PALM2AKAP2: variants seen among roughly 807,000 people sequenced by gnomAD.
The protein encoded by PALM2AKAP2 is PALM2 and AKAP2 fusion.
A neutral mutation model predicts 71.5 loss-of-function variants in PALM2AKAP2; 37 were observed. The observed-to-expected ratio is 0.52, with a 90% CI of 0.40 to 0.68. The LOEUF is 0.68. Among genes scored for constraint, PALM2AKAP2 ranks in the 30% least tolerant of loss-of-function variants. PALM2AKAP2 has a pLI of 0.00. For missense variants in PALM2AKAP2, 1,224 were observed against 1,191.8 expected (o/e 1.03, Z -0.40); for synonymous variants, 468 against 478.8 (o/e 0.98, Z 0.29).
At chr9:109,789,666 G>A (rs1017129234) in intron 1 of PALM2AKAP2, among the ~76,000 whole-genome samples, 26 of 152,140 alleles carry the variant, frequency 1.7e-4, no homozygotes, top group African/African-American at 5.8e-4. Flanking sequence ...TAGGGGATGG[G>A]CCACACAGCA....
At chr9:110,164,557 G>A (rs1341456792) in intron 3 of PALM2AKAP2, among the ~76,000 whole-genome samples, 2 of 131,344 alleles carry the variant, frequency 1.5e-5, no homozygotes, top group South Asian at 2.3e-4. Context: ...TTGAGACACC[G>A]TCTCACTCTG....
At chr9:109,778,505 T>C (rs1829379986), upstream of PALM2AKAP2, among the ~76,000 whole-genome samples, 1 of 152,218 alleles carries the variant, frequency 6.6e-6, no homozygotes. Context: ...AGCCAGAAAG[T>C]AGAAGTTTCT....
At chr9:110,075,731 CA>C (rs202097116) in intron 1 of PALM2AKAP2, among the ~76,000 whole-genome samples, 2,465 of 151,956 alleles carry the variant, frequency 0.016, 42 homozygotes, top group Non-Finnish European at 0.024. Flanking sequence ...AGCAAAATTT[CA>C]GATATTTTAC....
intron 3 of PALM2AKAP2, among the ~76,000 whole-genome samples, chr9:109,904,122 T>C (rs1156990733): frequency 2.0e-5 from 3 of 152,252 alleles, no homozygotes; most frequent in African/African-American, 7.2e-5. Context: ...AACATTTGAA[T>C]AGTACTTGCT....
At chr9:110,095,028 C>T (rs902206259) in intron 1 of PALM2AKAP2, among the ~76,000 whole-genome samples, 1 of 152,204 alleles carries the variant, frequency 6.6e-6, no homozygotes, top group Non-Finnish European at 1.5e-5. Flanking sequence ...ACATTTTCCC[C>T]CTACCGTATG....
chr9:110,030,502 G>C (rs574543444), intron 7 of PALM2AKAP2, among the ~76,000 whole-genome samples: 4 of 152,252 alleles, frequency 2.6e-5, no homozygotes, highest in African/African-American at 9.6e-5. Context: ...AGGAGTGAGG[G>C]GAGGTCAGAG....
rs150471752 is a variant in PALM2AKAP2, at chr9:110,115,505, C to T, written c.157-20622C>T. On this transcript the variant is annotated intron_variant, in intron 1 of 3. Coordinates refer to ENST00000374525, the Ensembl canonical transcript of PALM2AKAP2. ...CTATTTCTCATCAGGCCAGTGTCCCCAGTGCCTGTCCTGATCCAGAATTAC... is the reference window on the plus strand; with the variant it reads ...CTATTTCTCATCAGGCCAGTGTCCCTAGTGCCTGTCCTGATCCAGAATTAC... Among the ~76,000 whole-genome samples the T allele has an allele frequency of 8.8e-3, 1,343 of 152,292 alleles. 21 individuals carry two copies. The highest frequency in any genetic ancestry group is 0.031 in the African/African-American group (1,293 of 41,556).
At chr9:110,132,427 C>G (rs1835755750) in intron 1 of PALM2AKAP2, among the ~76,000 whole-genome samples, 1 of 151,892 alleles carries the variant, frequency 6.6e-6, no homozygotes. Flanking sequence ...CCAACTTCTG[C>G]TCTCCGGGTT....
chr9:110,150,614 A>G (rs1158060109), intron 2 of PALM2AKAP2, among the ~76,000 whole-genome samples: 1 of 152,212 alleles, frequency 6.6e-6, no homozygotes, highest in Non-Finnish European at 1.5e-5. Context: ...TTACCTCTAA[A>G]GCAACGTATT....
intron 2 of PALM2AKAP2, among the ~76,000 whole-genome samples, chr9:110,148,262 A>T (rs577766678): frequency 2.6e-5 from 4 of 152,222 alleles, no homozygotes; most frequent in African/African-American, 7.2e-5. Context: ...AGTTTTCATC[A>T]TCTTCCAGTT....
intron 6 of PALM2AKAP2, 126 bp downstream of exon 6, chr9:109,932,154 A>T: frequency 1.9e-6 from 2 of 1,074,672 alleles, no homozygotes; most frequent in South Asian, 2.2e-5. Flanking sequence ...CCAGCCTCAG[A>T]TGCAGCCTTC....
intron 1 of PALM2AKAP2, among the ~76,000 whole-genome samples, chr9:110,125,802 G>A (rs1031669753): frequency 6.9e-6 from 1 of 145,480 alleles, no homozygotes; most frequent in African/African-American, 2.6e-5. Context: ...TGCAAATCTT[G>A]TAAAACTCTC....
intron 3 of PALM2AKAP2, among the ~76,000 whole-genome samples, chr9:109,900,878 A>T (rs1046863845): frequency 1.3e-5 from 2 of 152,214 alleles, no homozygotes; most frequent in South Asian, 4.1e-4. Flanking sequence ...CTGCACCCAG[A>T]ACCTTTAATA....
chr9:110,114,326 T>C (rs62578864), intron 1 of PALM2AKAP2, among the ~76,000 whole-genome samples: 9,625 of 152,270 alleles, frequency 0.063, 347 homozygotes, highest in Middle Eastern at 0.11. Flanking sequence ...GCCCTCTCTT[T>C]CCCTTATAAA....
At chr9:109,869,077 A>G (rs1829534500) in intron 2 of PALM2AKAP2, among the ~76,000 whole-genome samples, 1 of 152,206 alleles carries the variant, frequency 6.6e-6, no homozygotes, top group South Asian at 2.1e-4. Context: ...ACTTTTAAAT[A>G]AGAGGACCGA....
intron 3 of PALM2AKAP2, among the ~76,000 whole-genome samples, chr9:109,905,914 C>T (rs897491029): frequency 2.0e-5 from 3 of 152,122 alleles, no homozygotes; most frequent in Admixed American, 1.3e-4. Flanking sequence ...CACTTGAGGC[C>T]AGGAGTTCAA....
At chr9:110,168,888 G>A (rs115338428) in exon 4 of PALM2AKAP2, 1 of 183,322 alleles carries the variant, frequency 5.5e-6, no homozygotes, top group South Asian at 1.1e-4. Flanking sequence ...TAGGGCCCAG[G>A]CTGGTGCAGC....
At position 110,072,846 on chromosome 9, in the gene PALM2AKAP2, C is replaced by A. The variant is rs535450938; in HGVS notation, c.156+23991C>A. 7.8e-4 allele frequency among the ~76,000 whole-genome samples: 119 copies of A among 152,258 alleles called. 1 individual carries two copies. The highest frequency in any genetic ancestry group is 7.2e-4 in the Admixed American group (11 of 15,298). On this transcript the variant is annotated intron_variant, in intron 1 of 3. Transcript: ENST00000374525. ...TGCCCCAGCTCTACCTTGGTTGATACCCCAAATGCCCCTTTTCCTCTGGCC... is the reference window on the plus strand; with the variant it reads ...TGCCCCAGCTCTACCTTGGTTGATAACCCAAATGCCCCTTTTCCTCTGGCC...
intron 3 of PALM2AKAP2, among the ~76,000 whole-genome samples, chr9:109,914,222 A>C (rs973558596): frequency 6.6e-6 from 1 of 152,240 alleles, no homozygotes; most frequent in Admixed American, 6.5e-5. Context: ...ACAGTGACCA[A>C]GATGGCAGTT....
Sources: allele counts gnomAD v4.1 joint callset (sites outside exome capture counted in the v4.1 genomes callset), GRCh38; gene constraint gnomAD v4.1.1; transcripts MANE v1.5; gene names NCBI Gene and HGNC (gene_info 2026-07-23, HGNC 2026-07-21).